FGF12: variants seen among roughly 807,000 people sequenced by gnomAD.
The protein encoded by FGF12 is fibroblast growth factor 12, also known as fibroblast growth factor 12B.
A neutral mutation model predicts 23.6 loss-of-function variants in FGF12; 14 were observed. That is an observed-to-expected ratio of 0.59 (90% CI 0.39 to 0.93). FGF12 has a LOEUF of 0.93. Among genes scored for constraint, FGF12 ranks in the 40% least tolerant of loss-of-function variants. The pLI, the probability that FGF12 is intolerant of heterozygous loss-of-function variation, is 0.00. For synonymous variants in FGF12, 62 were observed against 77.3 expected (o/e 0.80, Z 1.04); for missense variants, 175 against 217.8 (o/e 0.80, Z 1.24).
chr3:192,484,820 T>A (rs1723583932), intron 2 of FGF12, among the ~76,000 whole-genome samples: 1 of 152,248 alleles, frequency 6.6e-6, no homozygotes, highest in South Asian at 2.1e-4. Context: ...CTCCCGGAAC[T>A]GTGCAACTTG....
chr3:192,695,144 G>GA (rs1478542520), intron 2 of FGF12, among the ~76,000 whole-genome samples: 3 of 151,838 alleles, frequency 2.0e-5, no homozygotes, highest in South Asian at 4.1e-4. Flanking sequence ...TATACAATCA[G>GA]AAAAAAAGAA....
intron 2 of FGF12, among the ~76,000 whole-genome samples, chr3:192,553,917 C>G (rs560316911): frequency 2.0e-5 from 3 of 152,190 alleles, no homozygotes; most frequent in Non-Finnish European, 2.9e-5. Flanking sequence ...AACAAACACT[C>G]GCTCACCAAA....
Position 192,537,950 on chromosome 3 carries a change from C to CTTTTTT in FGF12, c.14-177418_14-177413dup, listed in dbSNP as rs370317111. Among the ~76,000 whole-genome samples the CTTTTTT allele has an allele frequency of 9.9e-5, 12 of 121,402 alleles. 1 individual carries two copies. Among genetic ancestry groups the CTTTTTT allele is most frequent in the African/African-American group, 1.8e-4 (6 of 33,736 alleles). The allele number at this position is 121,402 out of a possible 152,430, so 79.6% of individuals were successfully genotyped here. A position where few individuals can be genotyped will look rare whatever the true frequency, so the allele number is the denominator to read the frequency against. ...AAGGTCTTAGATTTAAGCCTTTAAC[C>CTTTTTT]TTTTTTTTTTTTTGAGATGGAGTTT... On this transcript the variant is annotated intron_variant, in intron 2 of 5. Coordinates refer to ENST00000445105, the MANE Select transcript of FGF12 (RefSeq NM_004113.6).
At chr3:192,482,168 A>T (rs1723498470) in intron 2 of FGF12, among the ~76,000 whole-genome samples, 1 of 152,196 alleles carries the variant, frequency 6.6e-6, no homozygotes. Context: ...CAATCATAGA[A>T]GAGATTGCAA....
intron 4 of FGF12, among the ~76,000 whole-genome samples, chr3:192,325,448 AAATT>A (rs1716768046): frequency 6.6e-6 from 1 of 152,172 alleles, no homozygotes; most frequent in Non-Finnish European, 1.5e-5. Context: ...CATTAAGTTC[AAATT>A]CTATGATTCA....
At chr3:192,376,653 C>T (rs979382239) in intron 2 of FGF12, among the ~76,000 whole-genome samples, 14 of 152,322 alleles carry the variant, frequency 9.2e-5, no homozygotes, top group East Asian at 3.9e-4. Context: ...TGAGCCACCG[C>T]GCCTGACCGC....
At chr3:192,158,598 CTCT>C (rs1186405896) in intron 5 of FGF12, among the ~76,000 whole-genome samples, 8 of 98,892 alleles carry the variant, frequency 8.1e-5, no homozygotes, top group African/African-American at 2.7e-4. Flanking sequence ...TCTCGTCTTT[CTCT>C]TTTTTTCTTC....
intron 4 of FGF12, among the ~76,000 whole-genome samples, chr3:192,176,190 C>T (rs956220009): frequency 6.6e-6 from 1 of 152,234 alleles, no homozygotes; most frequent in Non-Finnish European, 1.5e-5. Flanking sequence ...GCAATGCCCC[C>T]ACTTCCTAAC....
intron 4 of FGF12, among the ~76,000 whole-genome samples, chr3:192,196,809 G>A (rs957660206): frequency 6.6e-6 from 1 of 151,988 alleles, no homozygotes; most frequent in African/African-American, 2.4e-5. Context: ...GAAGACACAG[G>A]GTAAAATTAT....
At chr3:192,610,406 T>C (rs1442125056) in intron 2 of FGF12, among the ~76,000 whole-genome samples, 3 of 152,074 alleles carry the variant, frequency 2.0e-5, no homozygotes, top group African/African-American at 7.2e-5. Context: ...GGGAGGAAAT[T>C]GTGTGTTCTC....
At chr3:192,587,911 T>C (rs1713438966) in intron 2 of FGF12, among the ~76,000 whole-genome samples, 1 of 151,898 alleles carries the variant, frequency 6.6e-6, no homozygotes, top group Non-Finnish European at 1.5e-5. Context: ...TCTTAAAACA[T>C]GGGTGAAAAA....
At chr3:192,144,692 A>G (rs527709352) in intron 5 of FGF12, among the ~76,000 whole-genome samples, 2 of 152,190 alleles carry the variant, frequency 1.3e-5, no homozygotes, top group African/African-American at 2.4e-5. Context: ...GTGACTTTGT[A>G]GTTTTTCATC....
chr3:192,179,373 C>A (rs1033437118), intron 4 of FGF12, among the ~76,000 whole-genome samples: 2 of 152,186 alleles, frequency 1.3e-5, no homozygotes. Context: ...TAAATTTATA[C>A]CATCATAAAA....
chr3:192,243,607 T>A (rs1303561761), intron 4 of FGF12, among the ~76,000 whole-genome samples: 1 of 151,266 alleles, frequency 6.6e-6, no homozygotes, highest in Non-Finnish European at 1.5e-5. Flanking sequence ...AAACAATAAA[T>A]TTACTTCAGG....
At chr3:192,201,325 A>G (rs1201425940) in intron 4 of FGF12, among the ~76,000 whole-genome samples, 1 of 152,242 alleles carries the variant, frequency 6.6e-6, no homozygotes, top group African/African-American at 2.4e-5. Flanking sequence ...AATGGAACAC[A>G]ACAACTGAAA....
rs560369916 is a variant in FGF12 at position 192,702,685 on chromosome 3, G to A, written c.13+24496C>T. ...CATGCACCTGTGGTCCTAGCTACTC[G>A]GGAGGCTGAGGTGGCAGGATCACTA... On this transcript the variant is annotated intron_variant, in intron 2 of 5. Transcript: ENST00000445105. Among the ~76,000 whole-genome samples the A allele has an allele frequency of 5.8e-4, 88 of 152,140 alleles. 4 individuals carry two copies. In the South Asian group the frequency reaches 0.017, roughly 29 times the overall value.
At chr3:192,570,429 G>C (rs1431495529) in intron 2 of FGF12, among the ~76,000 whole-genome samples, 1 of 91,334 alleles carries the variant, frequency 1.1e-5, no homozygotes, top group Non-Finnish European at 2.3e-5. Context: ...TATTGCCAAA[G>C]AGAAAAAAAG....
At chr3:192,309,138 A>T (rs1715806845) in intron 4 of FGF12, among the ~76,000 whole-genome samples, 1 of 152,192 alleles carries the variant, frequency 6.6e-6, no homozygotes, top group African/African-American at 2.4e-5. Flanking sequence ...TGCTAAATTG[A>T]CTATAAAAAA....
intron 2 of FGF12, among the ~76,000 whole-genome samples, chr3:192,381,665 A>G (rs1719817545): frequency 6.6e-6 from 1 of 152,228 alleles, no homozygotes; most frequent in South Asian, 2.1e-4. Flanking sequence ...AAAGAAAAAG[A>G]AGGAATTAGC....
Sources: allele counts gnomAD v4.1 joint callset (sites outside exome capture counted in the v4.1 genomes callset), GRCh38; gene constraint gnomAD v4.1.1; transcripts MANE v1.5; gene names NCBI Gene and HGNC (gene_info 2026-07-23, HGNC 2026-07-21).